Variants in SPG7 observed in about 807,000 individuals in gnomAD.
SPG7 encodes the protein SPG7 matrix AAA peptidase subunit, paraplegin.
SPG7 carries 103 observed loss-of-function variants against 81.9 expected under a neutral mutation model. The ratio of observed to expected loss-of-function variants is 1.26; its 90% confidence interval spans 1.07 to 1.48. The LOEUF is 1.48. Ranked by LOEUF, SPG7 falls within the 40% of genes most tolerant of loss-of-function variation. The pLI, the probability that SPG7 is intolerant of heterozygous loss-of-function variation, is 0.00. For synonymous variants in SPG7, 534 were observed against 444.2 expected (o/e 1.20, Z -2.54); for missense variants, 1,241 against 1,087.3 (o/e 1.14, Z -1.99).
intron 3 of SPG7, chr16:89,517,268 C>T (rs2058111321): frequency 7.2e-6 from 1 of 139,444 alleles, no homozygotes; most frequent in South Asian, 2.4e-4. Context: ...TGGCAGCCTC[C>T]GTTGTCATGG....
rs78351666 is a variant in SPG7, at chr16:89,536,497, A to G, written c.1324+3861A>G. 5.5e-3 allele frequency among the ~76,000 whole-genome samples: 195 copies of G among 35,298 alleles called. No homozygotes were observed. Among genetic ancestry groups the G allele is most frequent in the East Asian group, 0.011 (5 of 470 alleles). The allele number at this position is 35,298 out of a possible 152,430, so 23.2% of individuals were successfully genotyped here. A position where few individuals can be genotyped will look rare whatever the true frequency, so the allele number is the denominator to read the frequency against. ...TGAGGCGGGTGAGGTCAGGTGAGGC[A>G]GGTGAGGTGAGGCGGGTGAGGTCAG... is the stretch of plus-strand genomic sequence containing the variant. On this transcript the variant is annotated intron_variant, in intron 9 of 16. Coordinates refer to ENST00000645818, the MANE Select transcript of SPG7 (RefSeq NM_003119.4).
At chr16:89,540,231 A>T (rs994285182) in intron 9 of SPG7, 1 of 152,128 alleles carries the variant, frequency 6.6e-6, no homozygotes, top group African/African-American at 2.4e-5. Flanking sequence ...GCTTGTTCCT[A>T]TCTACCAAAG....
rs145234271 is a variant in SPG7, at chr16:89,544,256, C to G, written c.1325-392C>G. The G allele has an allele frequency of 1.2e-4, 37 of 303,054 alleles. No homozygotes were observed. In the East Asian group the frequency reaches 2.9e-3, roughly 23 times the overall value. 18.8% of individuals were successfully genotyped at this position (303,054 alleles called of 1,614,324 possible). On this transcript the variant is annotated intron_variant, in intron 9 of 16. Coordinates refer to ENST00000645818, the MANE Select transcript of SPG7 (RefSeq NM_003119.4). ...CGTTGAAGATAAAATGTTTCCAAGT[C>G]ACAGCCTAAAGCTGGGTGTTAGCTA...
Position 89,555,084 on chromosome 16 carries a change from CT to C in SPG7, c.2181+537del, listed in dbSNP as rs1429443142. 978 of 130,284 alleles carry C rather than the reference CT, an allele frequency of 7.5e-3. 1 individual carries two copies. The highest frequency in any genetic ancestry group is 0.022 in the South Asian group (96 of 4,368). The allele number at this position is 130,284 out of a possible 1,614,324, so 8.1% of individuals were successfully genotyped here. ...GCATGCACCAACACACTCGGCTTTT[CT>C]TTTTTTTTTTTTTTTGAGATGGAGT... On this transcript the variant is annotated intron_variant, in intron 16 of 16. Transcript: ENST00000645818.
chr16:89,547,963 G>A, intron 11 of SPG7, 40 bp from the exon 12 acceptor site: 2 of 1,519,104 alleles, frequency 1.3e-6, no homozygotes, highest in Non-Finnish European at 1.8e-6. Context: ...CCTGATAGCA[G>A]AAACCCACCC....
At chr16:89,517,616 C>CTTTTTTTTTTTTTTTTTTTTTTTT (rs11318359) in intron 3 of SPG7, 1 of 130,314 alleles carries the variant, frequency 7.7e-6, no homozygotes, top group African/African-American at 2.8e-5. Flanking sequence ...TTGTCGTCGT[C>CTTTTTTTTTTTTTTTTTTTTTTTT]TTTTTTTTTT....
chr16:89,530,340 T>G (rs1266018996), intron 6 of SPG7: 4 of 365,470 alleles, frequency 1.1e-5, no homozygotes, highest in Non-Finnish European at 5.3e-6. Flanking sequence ...AGAGACAGGT[T>G]TCACCGTGTT....
chr16:89,509,786 CTTTTTTTTTT>C (rs34140158), intron 1 of SPG7, among the ~76,000 whole-genome samples: 1 of 95,130 alleles, frequency 1.1e-5, no homozygotes, highest in South Asian at 4.1e-4. Context: ...TTGTTTTCTT[CTTTTTTTTTT>C]TTTTTTTTTT....
intron 2 of SPG7, among the ~76,000 whole-genome samples, chr16:89,512,546 C>T (rs1597603869): frequency 1.3e-5 from 2 of 152,128 alleles, no homozygotes; most frequent in African/African-American, 4.8e-5. Flanking sequence ...CTCCTGACCT[C>T]GTGAACCACC....
Position 89,526,504 on chromosome 16 carries a change from C to A in SPG7, c.758+36C>A, listed in dbSNP as rs766029628. ...TGTATTTGTTGATGCTTGAACTAAA[C>A]CTAACTTGGCTTTGTAATCTGAGAA... is the stretch of plus-strand genomic sequence containing the variant. On this transcript the variant is annotated intron_variant, in intron 5 of 16. Coordinates refer to ENST00000645818, the MANE Select transcript of SPG7 (RefSeq NM_003119.4). 8.7e-6 allele frequency: 14 copies of A among 1,613,168 alleles called. No individual in the cohort carries two copies. In the South Asian group the frequency reaches 1.5e-4, roughly 18 times the overall value.
At chr16:89,538,654 G>C (rs1027481322) in intron 9 of SPG7, 2 of 152,626 alleles carry the variant, frequency 1.3e-5, no homozygotes. Context: ...AAGGATCTCA[G>C]GCTCTGAGCG....
chr16:89,521,492 C>T (rs892324941), intron 3 of SPG7: 19 of 152,248 alleles, frequency 1.2e-4, no homozygotes, highest in African/African-American at 4.3e-4. Flanking sequence ...CCTATAATCC[C>T]AGCACTTTGG....
At chr16:89,529,278 C>G in intron 5 of SPG7, 199 bp from the exon 6 acceptor site, 1 of 623,520 alleles carries the variant, frequency 1.6e-6, no homozygotes. Context: ...ATTTGGGAAG[C>G]TTTCATGAAA....
intron 6 of SPG7, 100 bp from the exon 7 acceptor site, chr16:89,530,583 G>T (rs936543381): frequency 7.3e-7 from 1 of 1,368,120 alleles, no homozygotes; most frequent in East Asian, 2.3e-5. Flanking sequence ...GGATGGAGAC[G>T]TGGGGTTGGG....
Position 89,532,109 on chromosome 16 carries a change from A to G in SPG7, c.1150+43A>G, listed in dbSNP as rs758793930. On this transcript the variant is annotated intron_variant, in intron 8 of 16. Transcript: ENST00000645818. ...GGGCTGTGGGTGGGCTTGGCTGACT[A>G]CCTGGCTCCTTTCACACATCCTTCC... 76 of 1,595,052 alleles carry G rather than the reference A, an allele frequency of 4.8e-5. No homozygotes were observed. In the South Asian group the frequency reaches 7.8e-4, roughly 16 times the overall value.
intron 16 of SPG7, chr16:89,555,199 G>C (rs922172290): frequency 6.6e-6 from 1 of 152,544 alleles, no homozygotes; most frequent in African/African-American, 2.4e-5. Flanking sequence ...TCCTGTCTCA[G>C]CCTCCCAAGT....
intron 3 of SPG7, among the ~76,000 whole-genome samples, chr16:89,514,782 G>T (rs1247864174): frequency 1.3e-5 from 2 of 151,950 alleles, no homozygotes; most frequent in African/African-American, 4.8e-5. Context: ...ACAGGCGTGA[G>T]CCACCGCGTC....
In SPG7 at chr16:89,546,660, G is replaced by C. The variant is rs1040717065; in HGVS notation, c.1452G>C (p.Glu484Asp). The C allele has an allele frequency of 3.7e-6, 6 of 1,610,100 alleles. No homozygotes were observed. The highest frequency in any genetic ancestry group is 5.1e-6 in the Non-Finnish European group (6 of 1,176,544). The stretch of plus-strand genomic sequence containing the variant: ...CTTTCCTCCCCTGGTTCTGGCAGGA[G>C]AGGCGGGAGATTTTTGAGCAGCACC... ...HVFIDLPTLQERREIFEQHLK... is the reference protein window; with the variant it reads ...HVFIDLPTLQDRREIFEQHLK... Residue 484 changes from glutamate (E) to aspartate (D), a missense_variant and splice_region_variant, in exon 11 of 17, where the codon GAG (glutamate) becomes GAC (aspartate). By Grantham distance (45) the Glu-to-Asp change is conservative. Coordinates refer to ENST00000645818, the MANE Select transcript of SPG7 (RefSeq NM_003119.4).
At chr16:89,549,030 G>T (rs1166529034) in intron 12 of SPG7, 3 of 456,178 alleles carry the variant, frequency 6.6e-6, no homozygotes, top group Non-Finnish European at 1.3e-5. Flanking sequence ...AGAGGAGTGG[G>T]GCAGCTGCTG....
Sources: gnomAD v4.1 joint callset for allele counts (sites outside exome capture counted in the v4.1 genomes callset) on GRCh38, gnomAD v4.1.1 for gene constraint, MANE v1.5 for transcripts, NCBI Gene and HGNC (gene_info 2026-07-23, HGNC 2026-07-21) for gene names.